G6PD: variants seen among roughly 807,000 people sequenced by gnomAD.
The protein encoded by G6PD is glucose-6-phosphate dehydrogenase, also known as glucose-6-phosphate 1-dehydrogenase.
A neutral mutation model predicts 38.2 loss-of-function variants in G6PD; 2 were observed. The observed-to-expected ratio is 0.05, with a 90% CI of 0.02 to 0.16. The LOEUF is 0.16. Ranked by LOEUF, G6PD falls within the 10% of genes least tolerant of loss-of-function variation. G6PD has a pLI of 1.00. For synonymous variants in G6PD, 188 were observed against 196.0 expected (o/e 0.96, Z 0.34); for missense variants, 310 against 471.6 (o/e 0.66, Z 3.17).
chrX:154,547,148 C>T (rs1034834324), upstream of G6PD: 14 of 163,499 alleles, frequency 8.6e-5, no homozygotes, highest in Admixed American at 1.2e-3. Flanking sequence ...GCCGGCCCGG[C>T]CCCGCCCCTA....
At chrX:154,545,949 TG>T in intron 2 of G6PD, 86 bp downstream of exon 2, 1 of 1,111,119 alleles carries the variant, frequency 9.0e-7, no homozygotes. Flanking sequence ...GCAGAGCCTG[TG>T]GGGCCCTGCA....
chrX:154,546,819 C>T lies in G6PD; in HGVS notation c.-39G>A. On this transcript the variant is annotated 5_prime_UTR_variant, in exon 1 of 13. Coordinates refer to ENST00000393562, the MANE Select transcript of G6PD (RefSeq NM_001360016.2). Reference sequence around the variant, plus strand: ...CTTCGTCGTCGTCGCCCTCCGCGCTCGCAGCCCCGAAGTGTACGACCGTTT... The same window carrying T: ...CTTCGTCGTCGTCGCCCTCCGCGCTTGCAGCCCCGAAGTGTACGACCGTTT... The T allele has an allele frequency of 8.6e-7, 1 of 1,162,665 alleles. No individual in the cohort carries two copies. The highest frequency in any genetic ancestry group is 2.5e-5 in the Admixed American group (1 of 40,214).
chrX:154,547,369 G>C (rs781903425), upstream of G6PD: 14 of 754,507 alleles, frequency 1.9e-5, no homozygotes, highest in Middle Eastern at 7.6e-4. Flanking sequence ...GGAGAGGGCG[G>C]GGCGGCCGAG....
chrX:154,543,931 G>T (rs1249851293), intron 2 of G6PD, among the ~76,000 whole-genome samples: 1 of 106,678 alleles, frequency 9.4e-6, no homozygotes, highest in African/African-American at 3.4e-5. Context: ...GCAGTGTTGC[G>T]ATTTCTGCTC....
Position 154,533,045 on chromosome X carries a change from G to GC in G6PD, c.947dup (p.Glu317ArgfsTer31). ...CGTCCAGGTACCCTTTGGTGGCCTC[G>GC]CCCTCTCCATCGGGGTTCCCCACGT... On this transcript the variant is annotated frameshift_variant, in exon 9 of 13. Transcript: ENST00000393562. LOFTEE classifies it high-confidence loss of function. 8.2e-7 allele frequency: 1 copy of GC among 1,212,288 alleles called. No individual in the cohort carries two copies.
chrX:154,545,283 C>T (rs1557232929), intron 2 of G6PD, among the ~76,000 whole-genome samples: 2 of 111,579 alleles, frequency 1.8e-5, no homozygotes, highest in East Asian at 2.8e-4. Context: ...GGTAGGCTTT[C>T]GAAATTGAGG....
chrX:154,543,946 C>G (rs1232800759), intron 2 of G6PD, among the ~76,000 whole-genome samples: 1 of 108,458 alleles, frequency 9.2e-6, no homozygotes, highest in African/African-American at 3.4e-5. Context: ...CTGCTCACTG[C>G]AAGCTCCGCC....
chrX:154,533,949 C>G (rs940494777), intron 7 of G6PD, 86 bp downstream of exon 7: 2 of 1,204,099 alleles, frequency 1.7e-6, no homozygotes, highest in Admixed American at 4.3e-5. Flanking sequence ...AGGAGGAGCT[C>G]CCCCAAGATA....
rs781940446 is a variant in G6PD at position 154,546,788 on chromosome X, C to G, written c.-9+1G>C. On this transcript the variant is annotated splice_donor_variant, in intron 1 of 12. Coordinates refer to ENST00000393562, the MANE Select transcript of G6PD (RefSeq NM_001360016.2). LOFTEE classifies it low-confidence loss of function (5UTR_SPLICE). ...TGCGCGGCGCCCGCCCGGCCGGTTA[C>G]CTGCGCTTCGTCGTCGTCGCCCTCC... 2.6e-6 allele frequency: 3 copies of G among 1,161,765 alleles called. No homozygotes were observed. In the South Asian group the frequency reaches 5.7e-5, roughly 22 times the overall value.
At position 154,533,591 on chromosome X, in the gene G6PD, G is replaced by A. The variant is rs192737996; in HGVS notation, c.849C>T (p.Asp283=). 10 of 1,210,877 alleles carry A rather than the reference G, an allele frequency of 8.3e-6. No individual in the cohort carries two copies. The highest frequency in any genetic ancestry group is 2.2e-5 in the Admixed American group (1 of 45,917). Residue 283 remains aspartate (D), a synonymous_variant, in exon 8 of 13, where the codon GAC becomes GAT. Coordinates refer to ENST00000393562, the MANE Select transcript of G6PD (RefSeq NM_001360016.2). ...MEKPASTNSD[D]VRDEKVKVLK... ...CACCCCCTACCTTCTCATCACGGAC[G>A]TCATCTGAGTTGGTGGAGGCGGGCT...
rs782622284 is a variant in G6PD at position 154,533,680 on chromosome X, A to G, written c.771-11T>C. On this transcript the variant is annotated splice_polypyrimidine_tract_variant and intron_variant, in intron 7 of 12. Transcript: ENST00000393562. Reference sequence around the variant, plus strand: ...TTCTGCATCACGTCCCTGGGGACGGAAGAGGCCAGAGCTCGCCTTAGCTCC... The same window carrying G: ...TTCTGCATCACGTCCCTGGGGACGGGAGAGGCCAGAGCTCGCCTTAGCTCC... 36 of 1,210,304 alleles carry G rather than the reference A, an allele frequency of 3.0e-5. No individual in the cohort carries two copies. Among genetic ancestry groups the G allele is most frequent in the Non-Finnish European group, 3.9e-5 (35 of 895,067 alleles).
intron 2 of G6PD, 176 bp downstream of exon 2, chrX:154,545,860 T>G (rs2070693355): frequency 4.1e-6 from 2 of 491,920 alleles, no homozygotes; most frequent in African/African-American, 2.5e-5. Flanking sequence ...AAAAAAAGTC[T>G]TGCAAGTGCA....
intron 2 of G6PD, among the ~76,000 whole-genome samples, chrX:154,538,696 G>A (rs975439576): frequency 2.7e-5 from 3 of 111,937 alleles, no homozygotes; most frequent in Admixed American, 9.5e-5. Flanking sequence ...GGGAGGCCGA[G>A]GCGGGGAATC....
chrX:154,546,710 A>G, intron 1 of G6PD, 79 bp downstream of exon 1: 1 of 826,033 alleles, frequency 1.2e-6, no homozygotes, highest in Non-Finnish European at 1.7e-6. Flanking sequence ...CACAACAAAC[A>G]GCGTGTATTT....
intron 2 of G6PD, among the ~76,000 whole-genome samples, chrX:154,538,255 A>T (rs781850444): frequency 9.0e-6 from 1 of 111,538 alleles, no homozygotes; most frequent in Non-Finnish European, 1.9e-5. Flanking sequence ...TCAGCCTCCC[A>T]AAGTGTTGGG....
chrX:154,543,430 C>A (rs1557232449), intron 2 of G6PD, among the ~76,000 whole-genome samples: 1 of 112,193 alleles, frequency 8.9e-6, no homozygotes, highest in East Asian at 2.8e-4. Flanking sequence ...TGCTGAGGTT[C>A]AGGAAAAGGA....
chrX:154,542,553 G>A, intron 2 of G6PD: 1 of 1,016,023 alleles, frequency 9.8e-7, no homozygotes, highest in Non-Finnish European at 1.3e-6. Context: ...CCCCAGGAAG[G>A]AAGCTGGGTG....
intron 2 of G6PD, chrX:154,542,443 G>A (rs1557232200): frequency 8.4e-7 from 1 of 1,184,835 alleles, no homozygotes. Context: ...GAGCTTTCTG[G>A]AAGGGGGCAG....
Position 154,531,675 on chromosome X carries a change from A to G in G6PD, c.*325T>C. The G allele has an allele frequency of 1.3e-5, 3 of 234,831 alleles. No homozygotes were observed. The highest frequency in any genetic ancestry group is 1.6e-5 in the Non-Finnish European group (2 of 127,796). 19.4% of individuals were successfully genotyped at this position (234,831 alleles called of 1,213,427 possible). A position where few individuals can be genotyped will look rare whatever the true frequency, so the allele number is the denominator to read the frequency against. ...CCCTCCCACCCTGGCCCCACTCAGG[A>G]GTGAGACCCAGTGGCCAATAAGCTC... On this transcript the variant is annotated 3_prime_UTR_variant, in exon 13 of 13. Transcript: ENST00000393562.
Sources: allele counts gnomAD v4.1 joint callset (sites outside exome capture counted in the v4.1 genomes callset), GRCh38; gene constraint gnomAD v4.1.1; transcripts MANE v1.5; gene names NCBI Gene and HGNC (gene_info 2026-07-23, HGNC 2026-07-21).